MIPOL1: variants seen among roughly 807,000 people sequenced by gnomAD.
MIPOL1 encodes the protein mirror-image polydactyly 1.
A neutral mutation model predicts 60.9 loss-of-function variants in MIPOL1; 57 were observed. The ratio of observed to expected loss-of-function variants is 0.94; its 90% CI spans 0.76 to 1.17. The LOEUF (loss-of-function observed/expected upper bound fraction) is 1.17. Among genes scored for constraint, MIPOL1 ranks in the 50% most tolerant of loss-of-function variants. The probability of loss-of-function intolerance (pLI) is 0.00; values close to 1 mark genes in which losing one functional copy is unlikely to be tolerated. For missense variants in MIPOL1, 551 were observed against 511.6 expected, an observed-to-expected ratio of 1.08 and a Z score of -0.74; for synonymous variants, 179 against 168.8, an observed-to-expected ratio of 1.06 and a Z score of -0.47.
At chr14:37,242,557 A>G (rs1165651800) in intron 1 of MIPOL1, among the ~76,000 whole-genome samples, 1 of 152,198 alleles carries the variant, frequency 6.6e-6, no homozygotes, top group Admixed American at 6.5e-5. Flanking sequence ...TAGGTTTTCC[A>G]TATGGTTGAG....
intron 1 of MIPOL1, among the ~76,000 whole-genome samples, chr14:37,228,325 C>CTTTTTT (rs397961053): frequency 8.2e-4 from 86 of 105,092 alleles, no homozygotes; most frequent in South Asian, 1.3e-3. Context: ...TCTTTCTTTT[C>CTTTTTT]TTTTTTTTTT....
intron 12 of MIPOL1, among the ~76,000 whole-genome samples, chr14:37,542,845 A>G (rs765789136): frequency 1.3e-5 from 2 of 152,194 alleles, no homozygotes; most frequent in Non-Finnish European, 2.9e-5. Context: ...GCACATAGGA[A>G]TTGCCCAACA....
chr14:37,229,623 C>T (rs757853609), intron 1 of MIPOL1, among the ~76,000 whole-genome samples: 31 of 152,116 alleles, frequency 2.0e-4, no homozygotes, highest in Admixed American at 5.9e-4. Flanking sequence ...GTTTATGCAG[C>T]GATGTAGAAA....
intron 11 of MIPOL1, among the ~76,000 whole-genome samples, chr14:37,429,163 T>C (rs913661334): frequency 2.0e-5 from 3 of 152,186 alleles, no homozygotes; most frequent in African/African-American, 7.2e-5. Context: ...CCTGTTGTTA[T>C]AAACCTGTAG....
At chr14:37,343,755 A>G (rs753567358) in intron 9 of MIPOL1, among the ~76,000 whole-genome samples, 3 of 152,216 alleles carry the variant, frequency 2.0e-5, no homozygotes, top group Non-Finnish European at 4.4e-5. Context: ...CAGAATTCAT[A>G]TGATCAATAA....
rs1158795789 is a variant in MIPOL1, at chr14:37,233,688, A to C, written c.-198-13415A>C. Among the ~76,000 whole-genome samples, 3 of 152,212 alleles carry C rather than the reference A, an allele frequency of 2.0e-5. No individual in the cohort carries two copies. The East Asian group carries it at 5.8e-4, about 29-fold the overall frequency. On this transcript the variant is annotated intron_variant, in intron 1 of 12. Transcript: ENST00000684589. ...ATGATTTCCCATCAGAACTCTCACA[A>C]AATTGCCCTTGTTTGATGAGAGGAA...
At chr14:37,480,527 C>G (rs556832168) in intron 11 of MIPOL1, among the ~76,000 whole-genome samples, 1 of 151,582 alleles carries the variant, frequency 6.6e-6, no homozygotes, top group East Asian at 1.9e-4. Flanking sequence ...AAAAAAAACT[C>G]TCACCAAACT....
chr14:37,265,208 T>C (rs1217363551), intron 3 of MIPOL1: 2 of 152,250 alleles, frequency 1.3e-5, no homozygotes, highest in Non-Finnish European at 2.9e-5. Flanking sequence ...CTTTGGCAGT[T>C]TGCTACTTCG....
chr14:37,254,984 T>C (rs570038326), intron 3 of MIPOL1, among the ~76,000 whole-genome samples: 20 of 151,808 alleles, frequency 1.3e-4, no homozygotes, highest in Non-Finnish European at 2.8e-4. Context: ...GAAAACAAGA[T>C]TTTTTTCTTT....
intron 7 of MIPOL1, among the ~76,000 whole-genome samples, chr14:37,303,764 G>A (rs2086541827): frequency 6.6e-6 from 1 of 151,754 alleles, no homozygotes; most frequent in Non-Finnish European, 1.5e-5. Flanking sequence ...TGGGGACACA[G>A]CATTATGGTC....
chr14:37,378,474 T>C (rs534006458), intron 10 of MIPOL1, among the ~76,000 whole-genome samples: 1 of 151,970 alleles, frequency 6.6e-6, no homozygotes, highest in African/African-American at 2.4e-5. Context: ...ATTATAGTGA[T>C]AGAGAAAAAA....
In MIPOL1 at chr14:37,389,091, A is replaced by G. The variant is rs538470812; in HGVS notation, c.936+19467A>G. ...ATCTCTAAAATGATTACTGTGACCA[A>G]TGGAGTGAAATATACTGACCGCCTT... is the stretch of plus-strand genomic sequence containing the variant. On this transcript the variant is annotated intron_variant, in intron 10 of 12. Coordinates refer to ENST00000684589, the MANE Select transcript of MIPOL1 (RefSeq NM_001388067.1). 3.9e-5 allele frequency among the ~76,000 whole-genome samples: 6 copies of G among 152,258 alleles called. No individual in the cohort carries two copies. The East Asian group carries it at 5.8e-4, about 15-fold the overall frequency.
intron 1 of MIPOL1, among the ~76,000 whole-genome samples, chr14:37,244,363 C>T (rs1039317250): frequency 2.4e-4 from 37 of 151,780 alleles, no homozygotes; most frequent in Admixed American, 2.3e-3. Flanking sequence ...CCTTGTGATC[C>T]GCCAGCCTTG....
At chr14:37,379,424 G>A (rs963451887) in intron 10 of MIPOL1, among the ~76,000 whole-genome samples, 4 of 151,914 alleles carry the variant, frequency 2.6e-5, no homozygotes, top group Admixed American at 2.6e-4. Flanking sequence ...TTCTTAGATC[G>A]AAACCAAAAT....
intron 12 of MIPOL1, among the ~76,000 whole-genome samples, chr14:37,538,725 T>G (rs2095517368): frequency 6.6e-6 from 1 of 152,184 alleles, no homozygotes; most frequent in South Asian, 2.1e-4. Context: ...TCAGGAGGCC[T>G]CACTGATTCT....
chr14:37,415,017 C>T (rs1169926788), intron 10 of MIPOL1, among the ~76,000 whole-genome samples: 1 of 152,100 alleles, frequency 6.6e-6, no homozygotes, highest in Non-Finnish European at 1.5e-5. Context: ...GAGTAGTCTT[C>T]TTTGGGAGTT....
intron 10 of MIPOL1, among the ~76,000 whole-genome samples, chr14:37,407,769 T>G (rs1259107373): frequency 6.6e-6 from 1 of 151,526 alleles, no homozygotes; most frequent in African/African-American, 2.4e-5. Context: ...CTTAATCATT[T>G]AATCAAAATT....
At chr14:37,475,212 G>A (rs1179238020) in intron 11 of MIPOL1, among the ~76,000 whole-genome samples, 2 of 151,930 alleles carry the variant, frequency 1.3e-5, no homozygotes, top group Non-Finnish European at 2.9e-5. Flanking sequence ...TGGTCCACCC[G>A]CTTCTGCCTC....
intron 10 of MIPOL1, among the ~76,000 whole-genome samples, chr14:37,410,669 C>T (rs2093666952): frequency 6.6e-6 from 1 of 152,046 alleles, no homozygotes; most frequent in Non-Finnish European, 1.5e-5. Context: ...AATTAAAATA[C>T]ATTTTAAAAA....
Sources: allele counts gnomAD v4.1 joint callset (sites outside exome capture counted in the v4.1 genomes callset), GRCh38; gene constraint gnomAD v4.1.1; transcripts MANE v1.5; gene names NCBI Gene and HGNC (gene_info 2026-07-23, HGNC 2026-07-21).